Variants in PTPRM observed in about 807,000 individuals in gnomAD.
PTPRM encodes the protein protein tyrosine phosphatase receptor type M.
In PTPRM, 47 loss-of-function variants were observed where a neutral mutation model predicts 186.7. The observed-to-expected ratio is 0.25, with a 90% confidence interval of 0.20 to 0.32. PTPRM has a LOEUF of 0.32. Among genes scored for constraint, PTPRM ranks in the 10% least tolerant of loss-of-function variants. The probability of loss-of-function intolerance (pLI) is 1.00; values close to 1 mark genes in which losing one functional copy is unlikely to be tolerated. For missense variants in PTPRM, 1,494 were observed against 1,865.0 expected, an observed-to-expected ratio of 0.80 and a Z score of 3.66; for synonymous variants, 668 against 674.9, an observed-to-expected ratio of 0.99 and a Z score of 0.16.
chr18:7,588,177 A>G (rs2037028294), intron 1 of PTPRM, among the ~76,000 whole-genome samples: 1 of 152,194 alleles, frequency 6.6e-6, no homozygotes, highest in Non-Finnish European at 1.5e-5. Flanking sequence ...GTAAATGTGT[A>G]TGACTGTTTA....
chr18:8,114,675 C>T (rs968434356), intron 12 of PTPRM, 116 bp from the exon 13 acceptor site: 31 of 825,002 alleles, frequency 3.8e-5, no homozygotes, highest in Middle Eastern at 3.5e-4. Flanking sequence ...ATTAAAGACA[C>T]GCTCAGAACA....
intron 7 of PTPRM, among the ~76,000 whole-genome samples, chr18:8,039,643 TCATA>T (rs1162655362): frequency 2.0e-5 from 3 of 152,188 alleles, no homozygotes; most frequent in African/African-American, 7.2e-5. Flanking sequence ...ACATCACCTC[TCATA>T]CATCATTTTT....
intron 2 of PTPRM, among the ~76,000 whole-genome samples, chr18:7,790,348 C>T (rs1259762833): frequency 6.6e-6 from 1 of 152,158 alleles, no homozygotes; most frequent in African/African-American, 2.4e-5. Flanking sequence ...CCCATGTGAG[C>T]CTTTCACAGG....
chr18:7,730,107 G>A (rs2040626945), intron 1 of PTPRM, among the ~76,000 whole-genome samples: 2 of 152,136 alleles, frequency 1.3e-5, no homozygotes, highest in Admixed American at 1.3e-4. Flanking sequence ...TTTTACAAGG[G>A]CCAAAATGGA....
chr18:8,007,155 C>A (rs1410087660), intron 7 of PTPRM, among the ~76,000 whole-genome samples: 1 of 152,176 alleles, frequency 6.6e-6, no homozygotes, highest in African/African-American at 2.4e-5. Flanking sequence ...TTCACAAGTG[C>A]CAGTGGTTTT....
At chr18:7,630,280 G>C (rs917506546) in intron 1 of PTPRM, among the ~76,000 whole-genome samples, 1 of 152,158 alleles carries the variant, frequency 6.6e-6, no homozygotes, top group Admixed American at 6.5e-5. Flanking sequence ...GGATTCGGCC[G>C]TCACCAGGGA....
At chr18:8,375,424 T>C (rs2095688436) in intron 24 of PTPRM, among the ~76,000 whole-genome samples, 1 of 152,100 alleles carries the variant, frequency 6.6e-6, no homozygotes, top group Non-Finnish European at 1.5e-5. Context: ...GATGAATGGG[T>C]AAAATATTTA....
At chr18:7,596,178 A>G (rs912709691) in intron 1 of PTPRM, among the ~76,000 whole-genome samples, 7 of 152,170 alleles carry the variant, frequency 4.6e-5, no homozygotes, top group African/African-American at 1.7e-4. Context: ...ACTTGAGCAC[A>G]GGCACTGTCA....
intron 19 of PTPRM, among the ~76,000 whole-genome samples, chr18:8,289,533 T>C (rs998216664): frequency 3.1e-5 from 3 of 96,952 alleles, no homozygotes; most frequent in African/African-American, 1.0e-4. Flanking sequence ...TACATATATA[T>C]ACACATATAT....
chr18:7,798,367 A>G (rs748568114), intron 2 of PTPRM, among the ~76,000 whole-genome samples: 1 of 151,612 alleles, frequency 6.6e-6, no homozygotes, highest in Non-Finnish European at 1.5e-5. Context: ...TGTCTCTACT[A>G]AAAATGCAAA....
At chr18:7,670,328 T>C (rs985196918) in intron 1 of PTPRM, among the ~76,000 whole-genome samples, 3 of 152,232 alleles carry the variant, frequency 2.0e-5, no homozygotes, top group Non-Finnish European at 2.9e-5. Context: ...CATAAAAAGC[T>C]TATCTCTTTG....
intron 14 of PTPRM, among the ~76,000 whole-genome samples, chr18:8,185,412 C>A (rs887549703): frequency 6.6e-6 from 1 of 152,204 alleles, no homozygotes; most frequent in African/African-American, 2.4e-5. Context: ...AAGCTGATCA[C>A]CTTGCTCGGG....
At chr18:8,073,974 A>C (rs2089648573) in intron 8 of PTPRM, among the ~76,000 whole-genome samples, 1 of 152,170 alleles carries the variant, frequency 6.6e-6, no homozygotes, top group South Asian at 2.1e-4. Context: ...AAAGAGGTTC[A>C]ATGATTTGTC....
chr18:7,902,396 A>G (rs1404428905), intron 3 of PTPRM, among the ~76,000 whole-genome samples: 1 of 152,142 alleles, frequency 6.6e-6, no homozygotes, highest in East Asian at 1.9e-4. Flanking sequence ...TCTAGTCCAC[A>G]GGGATGAAGG....
chr18:8,265,449 G>A (rs79765446), intron 19 of PTPRM, among the ~76,000 whole-genome samples: 16,157 of 152,260 alleles, frequency 0.11, 919 homozygotes, highest in Middle Eastern at 0.18. Context: ...CCTTGCAGCA[G>A]GAAGAAGGGA....
chr18:7,922,292 C>G (rs1316917988), intron 4 of PTPRM, among the ~76,000 whole-genome samples: 2 of 152,212 alleles, frequency 1.3e-5, no homozygotes, highest in African/African-American at 2.4e-5. Context: ...TTTGGCATCC[C>G]TTTGGCCAAG....
At chr18:7,659,665 A>G (rs2038934252) in intron 1 of PTPRM, among the ~76,000 whole-genome samples, 1 of 152,174 alleles carries the variant, frequency 6.6e-6, no homozygotes. Flanking sequence ...CTAATACAGC[A>G]GTTTTATGTC....
At chr18:7,961,819 T>C (rs1285537012) in intron 7 of PTPRM, among the ~76,000 whole-genome samples, 3 of 152,244 alleles carry the variant, frequency 2.0e-5, no homozygotes, top group Admixed American at 6.5e-5. Flanking sequence ...AACTTCCATT[T>C]TTTTAAATGA....
chr18:7,598,472 G>T (rs928813450), intron 1 of PTPRM, among the ~76,000 whole-genome samples: 3 of 152,196 alleles, frequency 2.0e-5, no homozygotes, highest in Non-Finnish European at 4.4e-5. Context: ...TCTACTGCAG[G>T]CTTAGTTCTA....
Sources: gnomAD v4.1 joint callset for allele counts (sites outside exome capture counted in the v4.1 genomes callset) on GRCh38, gnomAD v4.1.1 for gene constraint, MANE v1.5 for transcripts, NCBI Gene and HGNC (gene_info 2026-07-23, HGNC 2026-07-21) for gene names.